RPRD2: variants seen among roughly 807,000 people sequenced by gnomAD.
RPRD2 encodes the protein regulation of nuclear pre-mRNA domain-containing protein 2.
In RPRD2, 12 loss-of-function variants were observed where a neutral mutation model predicts 104.4. The ratio of observed to expected loss-of-function variants is 0.11; its 90% CI spans 0.07 to 0.19. RPRD2 has a LOEUF of 0.19. Among genes scored for constraint, RPRD2 ranks in the 10% least tolerant of loss-of-function variants. The pLI is 1.00. For synonymous variants in RPRD2, 714 were observed against 684.9 expected (o/e 1.04, Z -0.66); for missense variants, 1,543 against 1,790.1 (o/e 0.86, Z 2.49).
chr1:150,370,268 G>C (rs1660201155), intron 1 of RPRD2, among the ~76,000 whole-genome samples: 1 of 152,088 alleles, frequency 6.6e-6, no homozygotes, highest in Non-Finnish European at 1.5e-5. Context: ...TATAAAAGAG[G>C]CCTGTGTTAA....
intron 7 of RPRD2, among the ~76,000 whole-genome samples, chr1:150,451,629 C>G (rs1394462118): frequency 1.4e-5 from 2 of 145,554 alleles, no homozygotes; most frequent in African/African-American, 5.1e-5. Context: ...GAGCCGAGAT[C>G]GCGCCACTGC....
chr1:150,374,731 T>C (rs1214509767), intron 1 of RPRD2, among the ~76,000 whole-genome samples: 1 of 152,192 alleles, frequency 6.6e-6, no homozygotes, highest in Non-Finnish European at 1.5e-5. Flanking sequence ...AAAGCACTTT[T>C]AAGTTTGTTT....
intron 7 of RPRD2, among the ~76,000 whole-genome samples, chr1:150,454,578 T>G (rs1433417537): frequency 6.6e-6 from 1 of 152,220 alleles, no homozygotes; most frequent in East Asian, 1.9e-4. Context: ...CTGGGCACAG[T>G]GGCTCACACG....
chr1:150,431,595 C>T (rs1553891786), intron 2 of RPRD2, among the ~76,000 whole-genome samples: 2 of 149,722 alleles, frequency 1.3e-5, no homozygotes, highest in South Asian at 4.2e-4. Flanking sequence ...ATTCTCCTGC[C>T]TCAGCCTTCT....
At chr1:150,469,818 A>G (rs1668492126) in intron 10 of RPRD2, among the ~76,000 whole-genome samples, 1 of 151,994 alleles carries the variant, frequency 6.6e-6, no homozygotes, top group Non-Finnish European at 1.5e-5. Flanking sequence ...TAATCCTTGG[A>G]TTTTCCACAC....
intron 2 of RPRD2, among the ~76,000 whole-genome samples, chr1:150,439,519 T>A (rs1293035132): frequency 6.6e-6 from 1 of 152,168 alleles, no homozygotes; most frequent in African/African-American, 2.4e-5. Flanking sequence ...CAATTTTCTC[T>A]GTTTCTTACA....
At chr1:150,447,161 G>A (rs941081267) in intron 7 of RPRD2, among the ~76,000 whole-genome samples, 9 of 151,366 alleles carry the variant, frequency 5.9e-5, no homozygotes, top group Middle Eastern at 3.2e-3. Flanking sequence ...AGTAGAGATG[G>A]GGTTTCTCCA....
intron 2 of RPRD2, among the ~76,000 whole-genome samples, chr1:150,437,747 T>G (rs1019074265): frequency 6.6e-6 from 1 of 151,572 alleles, no homozygotes; most frequent in Non-Finnish European, 1.5e-5. Flanking sequence ...ATCTGGCAAG[T>G]TTTTGTATTT....
intron 1 of RPRD2, among the ~76,000 whole-genome samples, chr1:150,365,206 T>TCC (rs1659743831): frequency 6.6e-6 from 1 of 152,214 alleles, no homozygotes; most frequent in Non-Finnish European, 1.5e-5. Context: ...TTTCAGAGCC[T>TCC]TGTAAGGTGT....
At chr1:150,398,219 C>T (rs1293043052) in intron 1 of RPRD2, among the ~76,000 whole-genome samples, 4 of 72,444 alleles carry the variant, frequency 5.5e-5, no homozygotes, top group East Asian at 2.7e-4. Context: ...TTTTTTGAGA[C>T]GGAGTCTCGC....
chr1:150,368,888 G>A (rs1286210035), intron 1 of RPRD2, among the ~76,000 whole-genome samples: 1 of 152,124 alleles, frequency 6.6e-6, no homozygotes, highest in African/African-American at 2.4e-5. Context: ...AATTACAGGC[G>A]TGAGCCACTG....
At chr1:150,403,655 A>AT (rs113063728) in intron 1 of RPRD2, among the ~76,000 whole-genome samples, 32,537 of 150,086 alleles carry the variant, frequency 0.22, 3,952 homozygotes, top group African/African-American at 0.31. Context: ...TTTACCCAAT[A>AT]TTTTTTTTTG....
At chr1:150,386,238 T>G (rs1199800847) in intron 1 of RPRD2, among the ~76,000 whole-genome samples, 2 of 152,128 alleles carry the variant, frequency 1.3e-5, no homozygotes, top group Non-Finnish European at 2.9e-5. Flanking sequence ...CCTCCCATCG[T>G]GTTGGGATTA....
rs372804401 is a variant in RPRD2 at position 150,398,668 on chromosome 1, G to A, written c.206-18928G>A. On this transcript the variant is annotated intron_variant, in intron 1 of 10. Coordinates refer to ENST00000369068, the MANE Select transcript of RPRD2 (RefSeq NM_015203.5). Reference sequence around the variant, plus strand: ...AAGCCATTCTCCTCCTTCAGCCTCCGGAGTAGCTGGGATTACAGGTGCGCA... The same window carrying A: ...AAGCCATTCTCCTCCTTCAGCCTCCAGAGTAGCTGGGATTACAGGTGCGCA... Among the ~76,000 whole-genome samples, 10 of 151,472 alleles carry A rather than the reference G, an allele frequency of 6.6e-5. 1 individual carries two copies. The highest frequency in any genetic ancestry group is 1.9e-4 in the African/African-American group (8 of 41,252).
intron 8 of RPRD2, 97 bp downstream of exon 8, chr1:150,457,667 T>G: frequency 9.4e-7 from 1 of 1,064,550 alleles, no homozygotes; most frequent in Admixed American, 2.0e-5. Context: ...GATAGTTCAT[T>G]TCTTAAAAGA....
chr1:150,439,596 A>G (rs1310395473), intron 2 of RPRD2, among the ~76,000 whole-genome samples: 1 of 150,100 alleles, frequency 6.7e-6, no homozygotes, highest in Non-Finnish European at 1.5e-5. Context: ...ATAGGCTCTC[A>G]TCCTTGAAAG....
Position 150,436,087 on chromosome 1 carries a change from C to G in RPRD2, c.336-4836C>G, listed in dbSNP as rs1319188138. ...GCACATCTGTTTACAGTGTGGTTTG[C>G]TGAATATTTCAAGCCCAATGTTGAG... is the stretch of plus-strand genomic sequence containing the variant. On this transcript the variant is annotated intron_variant, in intron 2 of 10. Coordinates refer to ENST00000369068, the MANE Select transcript of RPRD2 (RefSeq NM_015203.5). Among the ~76,000 whole-genome samples, 4 of 149,928 alleles carry G rather than the reference C, an allele frequency of 2.7e-5. No individual in the cohort carries two copies. In the East Asian group the frequency reaches 7.8e-4, roughly 29 times the overall value.
rs979584472 is a variant in RPRD2, at chr1:150,472,233, T to C, written c.3285T>C (p.Asn1095=). ...CCTTGGGTTATCACAGTGCATCCAATAGGAGGATGTCAGGGGAGCCGATCC... is the reference window on the plus strand; with the variant it reads ...CCTTGGGTTATCACAGTGCATCCAACAGGAGGATGTCAGGGGAGCCGATCC... ...IETLGYHSAS[N]RRMSGEPIQT... Residue 1095 remains asparagine, a synonymous_variant, in exon 11 of 11, where the codon AAT becomes AAC. Transcript: ENST00000369068. The C allele has an allele frequency of 6.2e-7, 1 of 1,613,796 alleles. No individual in the cohort carries two copies. The highest frequency in any genetic ancestry group is 1.3e-5 in the African/African-American group (1 of 74,990).
chr1:150,379,037 C>T (rs190631558), intron 1 of RPRD2, among the ~76,000 whole-genome samples: 17 of 136,794 alleles, frequency 1.2e-4, no homozygotes, highest in Non-Finnish European at 1.6e-4. Context: ...AATCCCAGTA[C>T]TTTGGGAGGC....
Sources: allele counts gnomAD v4.1 joint callset (sites outside exome capture counted in the v4.1 genomes callset), GRCh38; gene constraint gnomAD v4.1.1; transcripts MANE v1.5; gene names NCBI Gene and HGNC (gene_info 2026-07-23, HGNC 2026-07-21).